MIPOL1: variants seen among roughly 807,000 people sequenced by gnomAD.
The protein encoded by MIPOL1 is mirror-image polydactyly 1, also known as mirror-image polydactyly gene 1 protein.
MIPOL1 carries 57 observed loss-of-function variants against 60.9 expected under a neutral mutation model. The ratio of observed to expected loss-of-function variants is 0.94; its 90% CI spans 0.76 to 1.17. MIPOL1 has a LOEUF of 1.17. MIPOL1 is among the 50% of genes most tolerant of loss of function. The probability of loss-of-function intolerance (pLI) is 0.00; values close to 1 mark genes in which losing one functional copy is unlikely to be tolerated. For synonymous variants in MIPOL1, 179 were observed against 168.8 expected (o/e 1.06, Z -0.47); for missense variants, 551 against 511.6 (o/e 1.08, Z -0.74).
At chr14:37,315,611 C>T (rs2153440450) in intron 9 of MIPOL1, among the ~76,000 whole-genome samples, 1 of 152,234 alleles carries the variant, frequency 6.6e-6, no homozygotes, top group East Asian at 1.9e-4. Flanking sequence ...AGAATTAAGG[C>T]TAACTTCTGT....
At chr14:37,287,940 G>A (rs1035412340) in intron 7 of MIPOL1, among the ~76,000 whole-genome samples, 8 of 151,862 alleles carry the variant, frequency 5.3e-5, no homozygotes, top group Admixed American at 3.9e-4. Context: ...GAATTTTCTC[G>A]TAAATTGTTT....
intron 10 of MIPOL1, among the ~76,000 whole-genome samples, chr14:37,418,411 G>C (rs942023761): frequency 6.6e-6 from 1 of 152,028 alleles, no homozygotes; most frequent in Non-Finnish European, 1.5e-5. Context: ...TATCAAGATA[G>C]GTAACTATAA....
At chr14:37,309,705 TAGAC>T (rs915820664) in intron 9 of MIPOL1, among the ~76,000 whole-genome samples, 1 of 151,376 alleles carries the variant, frequency 6.6e-6, no homozygotes, top group Non-Finnish European at 1.5e-5. Context: ...TTTTTTTTTT[TAGAC>T]AGAGTCTTGG....
chr14:37,381,920 A>C (rs972377956), intron 10 of MIPOL1, among the ~76,000 whole-genome samples: 1 of 151,924 alleles, frequency 6.6e-6, no homozygotes, highest in East Asian at 1.9e-4. Flanking sequence ...TGAATTTGAA[A>C]ACTTGCCTAG....
At chr14:37,419,831 C>T (rs191397146) in intron 10 of MIPOL1, among the ~76,000 whole-genome samples, 3 of 151,680 alleles carry the variant, frequency 2.0e-5, no homozygotes, top group Admixed American at 6.6e-5. Flanking sequence ...GCCTTGAATT[C>T]CTGGGCTCAA....
chr14:37,230,279 C>T (rs1428657048), intron 1 of MIPOL1, among the ~76,000 whole-genome samples: 1 of 151,866 alleles, frequency 6.6e-6, no homozygotes, highest in Non-Finnish European at 1.5e-5. Flanking sequence ...AAATTTTCAC[C>T]GAATTTTTAA....
chr14:37,348,238 A>T (rs1001374844), intron 9 of MIPOL1, among the ~76,000 whole-genome samples: 1 of 152,210 alleles, frequency 6.6e-6, no homozygotes, highest in African/African-American at 2.4e-5. Context: ...GCTGTAAAGG[A>T]CATGATTTCC....
At chr14:37,292,943 G>C (rs1242500974) in intron 7 of MIPOL1, among the ~76,000 whole-genome samples, 1 of 152,124 alleles carries the variant, frequency 6.6e-6, no homozygotes, top group Non-Finnish European at 1.5e-5. Flanking sequence ...TAGAGGTTCT[G>C]TCTTCTGCCT....
chr14:37,362,284 A>G (rs2092298507), intron 9 of MIPOL1, among the ~76,000 whole-genome samples: 1 of 152,000 alleles, frequency 6.6e-6, no homozygotes, highest in Admixed American at 6.6e-5. Context: ...TTCCTTCAGG[A>G]GCTCTTGTAA....
intron 11 of MIPOL1, among the ~76,000 whole-genome samples, chr14:37,463,577 C>T (rs1281915548): frequency 6.6e-6 from 1 of 152,040 alleles, no homozygotes; most frequent in Non-Finnish European, 1.5e-5. Flanking sequence ...TTAAACTGGA[C>T]CCCTCTCTCT....
chr14:37,308,747 A>G (rs1174736594), intron 9 of MIPOL1, among the ~76,000 whole-genome samples: 1 of 152,126 alleles, frequency 6.6e-6, no homozygotes, highest in Non-Finnish European at 1.5e-5. Flanking sequence ...TCATTTCTTA[A>G]TAAAATTAAA....
chr14:37,458,528 C>T (rs2094502279), intron 11 of MIPOL1, among the ~76,000 whole-genome samples: 1 of 152,054 alleles, frequency 6.6e-6, no homozygotes. Flanking sequence ...ACTATCAAAA[C>T]TATGTAAATA....
chr14:37,236,626 C>T (rs938596366), intron 1 of MIPOL1, among the ~76,000 whole-genome samples: 17 of 151,868 alleles, frequency 1.1e-4, no homozygotes, highest in African/African-American at 2.7e-4. Context: ...TTAGTAGAGA[C>T]GGGGTTTCTC....
chr14:37,207,608 C>G (rs1463526946), intron 1 of MIPOL1, among the ~76,000 whole-genome samples: 1 of 152,062 alleles, frequency 6.6e-6, no homozygotes, highest in Non-Finnish European at 1.5e-5. Flanking sequence ...TGCAGTGGCA[C>G]GATCTTGGCT....
intron 10 of MIPOL1, among the ~76,000 whole-genome samples, chr14:37,411,527 C>G (rs942216611): frequency 5.3e-5 from 8 of 152,194 alleles, no homozygotes; most frequent in African/African-American, 1.7e-4. Flanking sequence ...ATCAGAGATT[C>G]TGGGTAGTAT....
chr14:37,519,316 A>T (rs2095394897), intron 12 of MIPOL1, among the ~76,000 whole-genome samples: 1 of 152,058 alleles, frequency 6.6e-6, no homozygotes, highest in Non-Finnish European at 1.5e-5. Context: ...TACTTTGGGC[A>T]TTTTTCTCAC....
chr14:37,247,732 A>G (rs965059726), intron 2 of MIPOL1, 97 bp from the exon 3 acceptor site: 9 of 615,872 alleles, frequency 1.5e-5, no homozygotes, highest in African/African-American at 7.5e-5. Flanking sequence ...TTAGAAAACC[A>G]TTTATCCTGT....
intron 10 of MIPOL1, among the ~76,000 whole-genome samples, chr14:37,405,513 C>T (rs953240310): frequency 4.6e-5 from 7 of 151,990 alleles, no homozygotes; most frequent in African/African-American, 9.7e-5. Context: ...GTTTATTTTA[C>T]GTTAAAATGT....
chr14:37,448,319 C>G (rs1022129122), intron 11 of MIPOL1, among the ~76,000 whole-genome samples: 18 of 152,018 alleles, frequency 1.2e-4, no homozygotes, highest in African/African-American at 4.1e-4. Flanking sequence ...GAAGGCAGCA[C>G]AGAATCTGAA....
Sources: gnomAD v4.1 joint callset for allele counts (sites outside exome capture counted in the v4.1 genomes callset) on GRCh38, gnomAD v4.1.1 for gene constraint, MANE v1.5 for transcripts, NCBI Gene and HGNC (gene_info 2026-07-23, HGNC 2026-07-21) for gene names.